SLC25A20: variants seen among roughly 807,000 people sequenced by gnomAD.
SLC25A20 encodes solute carrier family 25 member 20.
In SLC25A20, 29 loss-of-function variants were observed where a neutral mutation model predicts 39.7. The observed-to-expected ratio is 0.73, with a 90% CI of 0.54 to 1.00. SLC25A20 has a LOEUF of 1.00. SLC25A20 is among the 50% of genes least tolerant of loss of function. The pLI, the probability that SLC25A20 is intolerant of heterozygous loss-of-function variation, is 0.00. For synonymous variants in SLC25A20, 103 were observed against 142.2 expected, an observed-to-expected ratio of 0.72 and a Z score of 1.96; for missense variants, 333 against 379.9, an observed-to-expected ratio of 0.88 and a Z score of 1.03.
At chr3:48,883,843 C>A (rs1279835157) in intron 3 of SLC25A20, among the ~76,000 whole-genome samples, 154 bp downstream of exon 3, 2 of 151,970 alleles carry the variant, frequency 1.3e-5, no homozygotes, top group East Asian at 3.9e-4. Context: ...AAGCTGGACT[C>A]GACCTCCTGA....
At chr3:48,895,464 T>A (rs779787301) in intron 1 of SLC25A20, among the ~76,000 whole-genome samples, 14 of 152,240 alleles carry the variant, frequency 9.2e-5, no homozygotes, top group Non-Finnish European at 1.9e-4. Flanking sequence ...TCCTGCTCAC[T>A]GTTCTGCTTC....
intron 2 of SLC25A20, among the ~76,000 whole-genome samples, chr3:48,884,481 C>A (rs757967316): frequency 6.6e-6 from 1 of 152,014 alleles, no homozygotes; most frequent in Non-Finnish European, 1.5e-5. Context: ...TCCCAAGTAG[C>A]TGGGACTACA....
chr3:48,874,426 A>G (rs1442164319), intron 4 of SLC25A20, among the ~76,000 whole-genome samples: 1 of 151,584 alleles, frequency 6.6e-6, no homozygotes, highest in East Asian at 2.0e-4. Context: ...TGATCACACC[A>G]CTGCACTCCA....
rs888217266 is a variant in SLC25A20 at position 48,898,623 on chromosome 3, G to A, written c.105+67C>T. On this transcript the variant is annotated intron_variant, in intron 1 of 8. Coordinates refer to ENST00000319017, the MANE Select transcript of SLC25A20 (RefSeq NM_000387.6). ...CTTCTGCCCAGCGTCCGCGCCTCGC[G>A]GGGGACCATGCTTTCCGCGCCCCGC... The A allele has an allele frequency of 1.3e-5, 18 of 1,426,800 alleles. No individual in the cohort carries two copies. The East Asian group carries it at 2.7e-4, about 22-fold the overall frequency. 88.4% of individuals were successfully genotyped at this position (1,426,800 alleles called of 1,614,324 possible).
intron 4 of SLC25A20, among the ~76,000 whole-genome samples, chr3:48,869,729 T>C (rs1044033931): frequency 1.3e-5 from 2 of 151,954 alleles, no homozygotes; most frequent in African/African-American, 4.8e-5. Flanking sequence ...GGAAGATCAT[T>C]TGAACCCCAG....
chr3:48,872,827 C>T (rs1293565598), intron 4 of SLC25A20, among the ~76,000 whole-genome samples: 1 of 152,126 alleles, frequency 6.6e-6, no homozygotes, highest in Non-Finnish European at 1.5e-5. Context: ...TTTACCACTG[C>T]ACTTCAGCCT....
chr3:48,881,569 C>T (rs1029789753), intron 3 of SLC25A20, among the ~76,000 whole-genome samples: 1 of 152,162 alleles, frequency 6.6e-6, no homozygotes. Flanking sequence ...TCCATATCAC[C>T]CCCAAACACC....
chr3:48,876,805 G>A (rs7623023), intron 4 of SLC25A20, among the ~76,000 whole-genome samples: 95,342 of 151,784 alleles, frequency 0.63, 31,108 homozygotes, highest in East Asian at 0.96. Flanking sequence ...ACAAATGTTA[G>A]AAACACATGG....
At chr3:48,889,217 C>A (rs999351112) in intron 2 of SLC25A20, among the ~76,000 whole-genome samples, 21 of 151,230 alleles carry the variant, frequency 1.4e-4, no homozygotes, top group African/African-American at 5.1e-4. Context: ...GAGTTTTATT[C>A]TTTTTGCCCA....
intron 2 of SLC25A20, among the ~76,000 whole-genome samples, chr3:48,884,893 T>TAA (rs74266012): frequency 2.0e-5 from 2 of 99,356 alleles, no homozygotes; most frequent in African/African-American, 3.5e-5. Flanking sequence ...GATTATTAAG[T>TAA]AAAAAAAAAA....
chr3:48,869,667 G>A (rs2083699479), intron 4 of SLC25A20, among the ~76,000 whole-genome samples: 1 of 151,996 alleles, frequency 6.6e-6, no homozygotes, highest in Non-Finnish European at 1.5e-5. Context: ...TCTACAAAAA[G>A]TTAGCCAGGC....
chr3:48,870,611 T>C (rs1428871466), intron 4 of SLC25A20, among the ~76,000 whole-genome samples: 2 of 150,118 alleles, frequency 1.3e-5, no homozygotes, highest in African/African-American at 4.9e-5. Context: ...TCTCCTGGGT[T>C]CAAGCTGTCT....
intron 2 of SLC25A20, among the ~76,000 whole-genome samples, chr3:48,890,063 T>C (rs912307371): frequency 6.6e-6 from 1 of 152,248 alleles, no homozygotes; most frequent in African/African-American, 2.4e-5. Flanking sequence ...CAGGGAACAC[T>C]CTACTCCACC....
chr3:48,895,847 G>T, intron 1 of SLC25A20: 1 of 456,234 alleles, frequency 2.2e-6, no homozygotes, highest in Middle Eastern at 3.3e-4. Flanking sequence ...ATGGATCAAA[G>T]CTTCTGACTA....
intron 2 of SLC25A20, among the ~76,000 whole-genome samples, chr3:48,885,424 C>T (rs1230174607): frequency 1.3e-5 from 2 of 152,122 alleles, no homozygotes; most frequent in African/African-American, 4.8e-5. Flanking sequence ...AGATGAAATG[C>T]GTTTCTAGGA....
intron 2 of SLC25A20, among the ~76,000 whole-genome samples, chr3:48,890,789 G>A (rs573989174): frequency 6.6e-6 from 1 of 151,246 alleles, no homozygotes; most frequent in East Asian, 2.0e-4. Flanking sequence ...CGAGTAGCTG[G>A]GACTACAGGT....
intron 2 of SLC25A20, 133 bp downstream of exon 2, chr3:48,891,847 C>T (rs187040402): frequency 1.2e-4 from 95 of 777,472 alleles, no homozygotes; most frequent in Non-Finnish European, 1.8e-4. Context: ...CACAGGGTGG[C>T]GTGGTGAAGG....
chr3:48,896,235 C>G (rs1163378027), intron 1 of SLC25A20, among the ~76,000 whole-genome samples: 1 of 150,764 alleles, frequency 6.6e-6, no homozygotes, highest in African/African-American at 2.4e-5. Context: ...GAATGGAGTG[C>G]AAAGGCTCAC....
At chr3:48,864,593 A>G (rs2083652327) in intron 4 of SLC25A20, among the ~76,000 whole-genome samples, 1 of 151,532 alleles carries the variant, frequency 6.6e-6, no homozygotes, top group Admixed American at 6.6e-5. Flanking sequence ...TCCCCAAAGT[A>G]TCCAGACATA....
Sources: gnomAD v4.1 joint callset for allele counts (sites outside exome capture counted in the v4.1 genomes callset) on GRCh38, gnomAD v4.1.1 for gene constraint, MANE v1.5 for transcripts, NCBI Gene and HGNC (gene_info 2026-07-23, HGNC 2026-07-21) for gene names.